The following QDPR variants were observed in gnomAD, a reference collection of about 807,000 sequenced individuals.
QDPR encodes the protein quinoid dihydropteridine reductase.
QDPR carries 23 observed loss-of-function variants against 31.7 expected under a neutral mutation model. The ratio of observed to expected loss-of-function variants is 0.73; its 90% CI spans 0.52 to 1.03. The LOEUF is 1.03. Ranked by LOEUF, QDPR falls within the 50% of genes least tolerant of loss-of-function variation. The pLI is 0.00. For missense variants in QDPR, 324 were observed against 323.8 expected, an observed-to-expected ratio of 1.00 and a Z score of 0.00; for synonymous variants, 124 against 124.7, an observed-to-expected ratio of 0.99 and a Z score of 0.03.
chr4:17,504,447 C>T lies in QDPR; in HGVS notation c.227G>A (p.Gly76Asp), dbSNP rs2108994422. Residue 76 changes from glycine (G) to aspartate (D), a missense_variant, in exon 3 of 7, where the codon GGT (glycine) becomes GAT (aspartate). Gly to Asp is a moderately conservative substitution (Grantham distance 94). Coordinates refer to ENST00000281243, the MANE Select transcript of QDPR (RefSeq NM_000320.3). Reference protein sequence around the residue: ...QVTAEVGKLLGEEKVDAILCV... With the variant: ...QVTAEVGKLLDEEKVDAILCV... ...AAGAATTGCATCCACCTTCTCTTCA[C>T]CCAAGAGCTTTCCAACCTCAGCAGT... 2 of 1,614,222 alleles carry T rather than the reference C, an allele frequency of 1.2e-6. No individual in the cohort carries two copies. Among genetic ancestry groups the T allele is most frequent in the Non-Finnish European group, 1.7e-6 (2 of 1,180,040 alleles).
At chr4:17,509,218 T>C (rs1718905537) in intron 2 of QDPR, 53 bp downstream of exon 2, 2 of 1,356,434 alleles carry the variant, frequency 1.5e-6, no homozygotes, top group African/African-American at 1.4e-5. Flanking sequence ...CAGCCAGTGG[T>C]CACCTCTCCC....
At chr4:17,489,820 G>A (rs1257261560) in intron 6 of QDPR, among the ~76,000 whole-genome samples, 1 of 152,186 alleles carries the variant, frequency 6.6e-6, no homozygotes, top group East Asian at 1.9e-4. Context: ...CAGGCCAGAA[G>A]CACACTGCTA....
intron 6 of QDPR, chr4:17,490,458 C>G (rs1242952919): frequency 1.7e-6 from 1 of 573,712 alleles, no homozygotes; most frequent in Non-Finnish European, 3.3e-6. Flanking sequence ...TCGGCACTAC[C>G]CATTCTGCCA....
At chr4:17,506,547 C>G (rs1175962109) in intron 2 of QDPR, among the ~76,000 whole-genome samples, 1 of 152,204 alleles carries the variant, frequency 6.6e-6, no homozygotes, top group African/African-American at 2.4e-5. Context: ...AGTGGCTATG[C>G]AACCTTTTAT....
chr4:17,506,300 T>C (rs1233476727), intron 2 of QDPR, among the ~76,000 whole-genome samples: 1 of 152,100 alleles, frequency 6.6e-6, no homozygotes, highest in Non-Finnish European at 1.5e-5. Context: ...CAGCTAATTT[T>C]TGTATTTTTT....
Position 17,504,490 on chromosome 4 carries a change from C to T in QDPR, c.199-15G>A. 6.3e-7 allele frequency: 1 copy of T among 1,598,310 alleles called. No individual in the cohort carries two copies. The highest frequency in any genetic ancestry group is 8.6e-7 in the Non-Finnish European group (1 of 1,165,676). On this transcript the variant is annotated splice_polypyrimidine_tract_variant and intron_variant, in intron 2 of 6. Coordinates refer to ENST00000281243, the MANE Select transcript of QDPR (RefSeq NM_000320.3). ...TCAGCAGTCACCTTCAACACAAGAACAAAAAAATGTATAAACTGTAAGGTA... is the reference window on the plus strand; with the variant it reads ...TCAGCAGTCACCTTCAACACAAGAATAAAAAAATGTATAAACTGTAAGGTA...
chr4:17,496,472 A>AAAAAAAAG (rs1560310399), intron 4 of QDPR, among the ~76,000 whole-genome samples: 1 of 129,864 alleles, frequency 7.7e-6, no homozygotes, highest in Non-Finnish European at 1.7e-5. Flanking sequence ...AAAAAAAAAA[A>AAAAAAAAG]GAACAAACTG....
intron 2 of QDPR, among the ~76,000 whole-genome samples, chr4:17,507,738 G>A (rs1718839709): frequency 6.6e-6 from 1 of 151,974 alleles, no homozygotes; most frequent in African/African-American, 2.4e-5. Context: ...CGAGTAGCTG[G>A]GACTACAGGC....
At chr4:17,509,478 G>C in intron 1 of QDPR, 115 bp from the exon 2 acceptor site, 1 of 897,714 alleles carries the variant, frequency 1.1e-6, no homozygotes, top group South Asian at 1.4e-5. Context: ...TGTAATGCCA[G>C]CACTTTGGGA....
intron 1 of QDPR, 75 bp from the exon 2 acceptor site, chr4:17,509,438 G>T: frequency 7.4e-7 from 1 of 1,348,506 alleles, no homozygotes; most frequent in Non-Finnish European, 1.1e-6. Flanking sequence ...TAGAAATGAG[G>T]GGAGTTGGCC....
intron 2 of QDPR, among the ~76,000 whole-genome samples, chr4:17,504,778 A>T: frequency 7.5e-6 from 1 of 133,654 alleles, no homozygotes; most frequent in Middle Eastern, 3.7e-3. Flanking sequence ...GGGAAAGGTT[A>T]AAAAAAAAAG....
chr4:17,511,839 A>AG, intron 1 of QDPR, 111 bp downstream of exon 1: 6 of 1,068,736 alleles, frequency 5.6e-6, no homozygotes, highest in Non-Finnish European at 8.2e-6. Flanking sequence ...AACACGAGTC[A>AG]GGGGGTGCAC....
intron 2 of QDPR, among the ~76,000 whole-genome samples, chr4:17,505,137 C>T (rs1718712802): frequency 6.6e-6 from 1 of 151,878 alleles, no homozygotes. Flanking sequence ...AACAGTCTGT[C>T]AGGACAGGCA....
chr4:17,495,086 C>T (rs1362663502), intron 4 of QDPR, among the ~76,000 whole-genome samples: 1 of 152,180 alleles, frequency 6.6e-6, no homozygotes, highest in Non-Finnish European at 1.5e-5. Flanking sequence ...TCTCCCAGCT[C>T]ATCATTATTC....
chr4:17,486,992 C>A lies in QDPR; in HGVS notation c.*139G>T, dbSNP rs1428192081. ...TTACACTGTCCTAGGAGAGCAAATG[C>A]ATATTATGTGAGAGAAAAATAGGAC... is the stretch of plus-strand genomic sequence containing the variant. On this transcript the variant is annotated 3_prime_UTR_variant, in exon 7 of 7. Coordinates refer to ENST00000281243, the MANE Select transcript of QDPR (RefSeq NM_000320.3). 1 of 732,646 alleles carries A rather than the reference C, an allele frequency of 1.4e-6. No homozygotes were observed. Among genetic ancestry groups the A allele is most frequent in the Non-Finnish European group, 2.5e-6 (1 of 404,356 alleles). 45.4% of individuals were successfully genotyped at this position (732,646 alleles called of 1,614,324 possible).
Position 17,512,081 on chromosome 4 carries a change from A to G in QDPR, c.-27T>C. On this transcript the variant is annotated 5_prime_UTR_variant, in exon 1 of 7. Transcript: ENST00000281243. ...CTGCTCCTGCCAGCCCGGCTCCCGCAGCTCCGAATGCCTCGAGCCGGAGCG... is the reference window on the plus strand; with the variant it reads ...CTGCTCCTGCCAGCCCGGCTCCCGCGGCTCCGAATGCCTCGAGCCGGAGCG... The G allele has an allele frequency of 6.5e-7, 1 of 1,539,446 alleles. No individual in the cohort carries two copies. Among genetic ancestry groups the G allele is most frequent in the Non-Finnish European group, 8.7e-7 (1 of 1,145,920 alleles).
chr4:17,495,640 G>GT (rs1460535584), intron 4 of QDPR, among the ~76,000 whole-genome samples: 1 of 152,194 alleles, frequency 6.6e-6, no homozygotes, highest in African/African-American at 2.4e-5. Context: ...CCAGAAGAAT[G>GT]TAAGTTCCAC....
intron 1 of QDPR, among the ~76,000 whole-genome samples, chr4:17,511,543 C>T (rs1186755846): frequency 6.6e-6 from 1 of 152,180 alleles, no homozygotes; most frequent in Non-Finnish European, 1.5e-5. Flanking sequence ...ATGGGGAAAC[C>T]GAGGTCCTAC....
intron 4 of QDPR, among the ~76,000 whole-genome samples, chr4:17,494,340 C>T (rs1718275184): frequency 6.6e-6 from 1 of 152,128 alleles, no homozygotes; most frequent in South Asian, 2.1e-4. Context: ...CAGGTGAAAC[C>T]AGCAACTTAT....
Sources: allele counts gnomAD v4.1 joint callset (sites outside exome capture counted in the v4.1 genomes callset), GRCh38; gene constraint gnomAD v4.1.1; transcripts MANE v1.5; gene names NCBI Gene and HGNC (gene_info 2026-07-23, HGNC 2026-07-21).